LDLRAD3: variants seen among roughly 807,000 people sequenced by gnomAD.
The protein encoded by LDLRAD3 is low density lipoprotein receptor class A domain containing 3.
A neutral mutation model predicts 29.4 loss-of-function variants in LDLRAD3; 20 were observed. The ratio of observed to expected loss-of-function variants is 0.68; its 90% CI spans 0.48 to 0.99. The LOEUF (loss-of-function observed/expected upper bound fraction) is 0.99. Ranked by LOEUF, LDLRAD3 falls within the 50% of genes least tolerant of loss-of-function variation. LDLRAD3 has a pLI of 0.00. For synonymous variants in LDLRAD3, 157 were observed against 192.7 expected, an observed-to-expected ratio of 0.81 and a Z score of 1.53; for missense variants, 420 against 454.3, an observed-to-expected ratio of 0.92 and a Z score of 0.69.
rs555932433 is a variant in LDLRAD3 at position 36,008,991 on chromosome 11, C to T, written c.47-27112C>T. Reference sequence around the variant, plus strand: ...TCCCTTTAATTGACCATTCTCTTACCTTCCTTTGTCTCCACATGGAGACAC... The same window carrying T: ...TCCCTTTAATTGACCATTCTCTTACTTTCCTTTGTCTCCACATGGAGACAC... On this transcript the variant is annotated intron_variant, in intron 1 of 5. Transcript: ENST00000315571. Among the ~76,000 whole-genome samples the T allele has an allele frequency of 9.2e-5, 14 of 152,220 alleles. No individual in the cohort carries two copies. In the East Asian group the frequency reaches 1.9e-3, roughly 21 times the overall value.
intron 4 of LDLRAD3, among the ~76,000 whole-genome samples, chr11:36,199,851 G>T (rs189309356): frequency 1.3e-5 from 2 of 152,280 alleles, no homozygotes; most frequent in East Asian, 1.9e-4. Flanking sequence ...CTCACAGTCT[G>T]CTTAGGCTGC....
chr11:36,049,890 CTA>C (rs1176356623), intron 2 of LDLRAD3, among the ~76,000 whole-genome samples: 1 of 152,144 alleles, frequency 6.6e-6, no homozygotes, highest in African/African-American at 2.4e-5. Context: ...CTCAGATTCT[CTA>C]TGAGATTTAA....
intron 4 of LDLRAD3, among the ~76,000 whole-genome samples, chr11:36,161,609 A>G (rs1854441177): frequency 6.6e-6 from 1 of 151,058 alleles, no homozygotes; most frequent in South Asian, 2.1e-4. Context: ...TGGATGGAGT[A>G]CAACAATCTT....
At chr11:35,981,642 G>A (rs1217309746) in intron 1 of LDLRAD3, among the ~76,000 whole-genome samples, 1 of 152,156 alleles carries the variant, frequency 6.6e-6, no homozygotes, top group African/African-American at 2.4e-5. Context: ...CTTTAGAAAA[G>A]GAAGTCGATT....
chr11:36,103,650 C>T lies in LDLRAD3; in HGVS notation c.454+5189C>T, dbSNP rs774243980. Among the ~76,000 whole-genome samples, 6 of 152,062 alleles carry T rather than the reference C, an allele frequency of 3.9e-5. No individual in the cohort carries two copies. In the East Asian group the frequency reaches 5.8e-4, roughly 15 times the overall value. Reference sequence around the variant, plus strand: ...TCTAAGACGTGGAGGTTAGGCGTGCCGAAGGTTTGGGCAACACCCTTTTCC... The same window carrying T: ...TCTAAGACGTGGAGGTTAGGCGTGCTGAAGGTTTGGGCAACACCCTTTTCC... On this transcript the variant is annotated intron_variant, in intron 4 of 5. Coordinates refer to ENST00000315571, the MANE Select transcript of LDLRAD3 (RefSeq NM_174902.4).
At chr11:36,025,044 C>T (rs1251488047) in intron 1 of LDLRAD3, among the ~76,000 whole-genome samples, 2 of 152,158 alleles carry the variant, frequency 1.3e-5, no homozygotes, top group Non-Finnish European at 2.9e-5. Flanking sequence ...ACTGTTGCTG[C>T]CTTTCAGAAT....
At chr11:36,074,336 G>A (rs747806996) in intron 2 of LDLRAD3, among the ~76,000 whole-genome samples, 7 of 152,224 alleles carry the variant, frequency 4.6e-5, no homozygotes, top group East Asian at 3.8e-4. Flanking sequence ...GGGTTAGAGC[G>A]ACTAAGGGTG....
intron 4 of LDLRAD3, among the ~76,000 whole-genome samples, chr11:36,144,859 G>C (rs1269589452): frequency 8.6e-6 from 1 of 116,290 alleles, no homozygotes; most frequent in African/African-American, 3.1e-5. Flanking sequence ...AGGTGGGGGG[G>C]TCAGCCCCCC....
intron 4 of LDLRAD3, among the ~76,000 whole-genome samples, chr11:36,204,316 G>T (rs1855173263): frequency 6.6e-6 from 1 of 152,114 alleles, no homozygotes; most frequent in South Asian, 2.1e-4. Flanking sequence ...AAAGAGACCA[G>T]GAAACTGAGG....
intron 4 of LDLRAD3, among the ~76,000 whole-genome samples, chr11:36,181,218 A>G (rs1854757200): frequency 1.6e-5 from 2 of 126,644 alleles, no homozygotes; most frequent in Non-Finnish European, 3.3e-5. Context: ...CAAAAGTAAT[A>G]CCTACACATG....
intron 1 of LDLRAD3, among the ~76,000 whole-genome samples, chr11:35,949,137 C>A (rs1275296639): frequency 1.8e-4 from 27 of 152,134 alleles, no homozygotes; most frequent in Admixed American, 1.7e-3. Context: ...TGTTTTGTAG[C>A]CACACAGTTC....
At chr11:36,160,129 C>T (rs1379285293) in intron 4 of LDLRAD3, among the ~76,000 whole-genome samples, 1 of 152,204 alleles carries the variant, frequency 6.6e-6, no homozygotes, top group Non-Finnish European at 1.5e-5. Context: ...CCTGTTCTTG[C>T]CTGAGATGCA....
At chr11:36,073,924 C>T (rs1365422216) in intron 2 of LDLRAD3, among the ~76,000 whole-genome samples, 2 of 152,188 alleles carry the variant, frequency 1.3e-5, no homozygotes, top group African/African-American at 2.4e-5. Context: ...AAGATTTGAA[C>T]CTTGACTTTG....
At chr11:36,069,954 C>G (rs572931403) in intron 2 of LDLRAD3, among the ~76,000 whole-genome samples, 1 of 152,176 alleles carries the variant, frequency 6.6e-6, no homozygotes, top group African/African-American at 2.4e-5. Flanking sequence ...AGACCGTGGC[C>G]GACCTCAGCT....
chr11:35,998,883 A>G (rs577070128), intron 1 of LDLRAD3, among the ~76,000 whole-genome samples: 31 of 152,276 alleles, frequency 2.0e-4, no homozygotes, highest in African/African-American at 6.7e-4. Flanking sequence ...GGTCACCTCC[A>G]CTTTGAAATT....
At chr11:36,132,691 C>A (rs988321820) in intron 4 of LDLRAD3, among the ~76,000 whole-genome samples, 7 of 152,218 alleles carry the variant, frequency 4.6e-5, no homozygotes, top group Non-Finnish European at 4.4e-5. Context: ...ATCCATACAT[C>A]ACTTTTGAGC....
intron 1 of LDLRAD3, among the ~76,000 whole-genome samples, chr11:35,972,185 G>T (rs775291840): frequency 1.3e-5 from 2 of 152,082 alleles, no homozygotes; most frequent in Non-Finnish European, 2.9e-5. Context: ...AAACCCCAGA[G>T]TTTCACAGAA....
At chr11:36,070,305 T>C (rs1378272904) in intron 2 of LDLRAD3, among the ~76,000 whole-genome samples, 4 of 152,246 alleles carry the variant, frequency 2.6e-5, no homozygotes, top group Admixed American at 6.5e-5. Context: ...GTTTCAAAGC[T>C]CTAAAAAGGG....
At chr11:35,961,893 A>G (rs1327800835) in intron 1 of LDLRAD3, among the ~76,000 whole-genome samples, 2 of 152,122 alleles carry the variant, frequency 1.3e-5, no homozygotes, top group East Asian at 3.9e-4. Context: ...TTGTGTTACA[A>G]ACGATCCAAT....
Sources: gnomAD v4.1 joint callset for allele counts (sites outside exome capture counted in the v4.1 genomes callset) on GRCh38, gnomAD v4.1.1 for gene constraint, MANE v1.5 for transcripts, NCBI Gene and HGNC (gene_info 2026-07-23, HGNC 2026-07-21) for gene names.